CCDC69: variants seen among roughly 807,000 people sequenced by gnomAD.
CCDC69 encodes the protein coiled-coil domain-containing protein 69.
Under a neutral mutation model 40.3 loss-of-function variants are expected in CCDC69, and 38 were observed. The observed-to-expected ratio is 0.94, with a 90% CI of 0.73 to 1.24. The LOEUF is 1.24. Among genes scored for constraint, CCDC69 ranks in the 50% most tolerant of loss-of-function variants. CCDC69 has a pLI of 0.00. For missense variants in CCDC69, 389 were observed against 357.9 expected (o/e 1.09, Z -0.70); for synonymous variants, 141 against 138.9 (o/e 1.02, Z -0.11).
intron 1 of CCDC69, among the ~76,000 whole-genome samples, chr5:151,219,328 C>T (rs1443025008): frequency 2.0e-5 from 3 of 152,166 alleles, no homozygotes; most frequent in East Asian, 1.9e-4. Context: ...CCCCCGCCCC[C>T]CTTCTAAACC....
chr5:151,214,695 G>A (rs1030780558), intron 1 of CCDC69, among the ~76,000 whole-genome samples: 8 of 152,286 alleles, frequency 5.3e-5, no homozygotes, highest in Admixed American at 2.6e-4. Flanking sequence ...CCGGGGACAC[G>A]GCCTATGCTC....
intron 1 of CCDC69, among the ~76,000 whole-genome samples, chr5:151,211,428 C>T (rs1752945504): frequency 6.6e-6 from 1 of 151,958 alleles, no homozygotes. Flanking sequence ...TATGGACCTC[C>T]TGTACTAGAG....
chr5:151,186,202 G>A (rs1752512405), intron 5 of CCDC69, 78 bp from the exon 6 acceptor site: 3 of 1,000,072 alleles, frequency 3.0e-6, no homozygotes, highest in South Asian at 2.5e-5. Context: ...CATCCCAGAG[G>A]GAGAACGGTT....
At position 151,213,618 on chromosome 5, in the gene CCDC69, C is replaced by T. The variant is rs550972973; in HGVS notation, c.49-8143G>A. Among the ~76,000 whole-genome samples, 5 of 152,260 alleles carry T rather than the reference C, an allele frequency of 3.3e-5. No homozygotes were observed. The East Asian group carries it at 7.7e-4, about 24-fold the overall frequency. On this transcript the variant is annotated intron_variant, in intron 1 of 8. Transcript: ENST00000355417. ...TAGGCAGAAGCAACTTGGATAGAAGCCGCCCAGCTATTCCCTACCTTGGGA... is the reference window on the plus strand; with the variant it reads ...TAGGCAGAAGCAACTTGGATAGAAGTCGCCCAGCTATTCCCTACCTTGGGA...
rs952593198 is a variant in CCDC69, at chr5:151,182,896, C to T, written c.*541G>A. 2.7e-6 allele frequency: 1 copy of T among 376,910 alleles called. No homozygotes were observed. Among genetic ancestry groups the T allele is most frequent in the Non-Finnish European group, 5.3e-6 (1 of 187,686 alleles). The allele number at this position is 376,910 out of a possible 1,614,324, so 23.3% of individuals were successfully genotyped here. ...TTTGCGGGGTTTGTCCACACTCCCC[C>T]CAACCCCTACTCTGGCCTTCAGACA... On this transcript the variant is annotated 3_prime_UTR_variant, in exon 9 of 9. Coordinates refer to ENST00000355417, the MANE Select transcript of CCDC69 (RefSeq NM_015621.3).
chr5:151,216,275 A>T (rs1226515084), intron 1 of CCDC69, among the ~76,000 whole-genome samples: 4 of 151,784 alleles, frequency 2.6e-5, no homozygotes, highest in East Asian at 2.0e-4. Flanking sequence ...TACTAATGAT[A>T]AAAAAATGCA....
At chr5:151,209,072 A>C (rs1384792159) in intron 1 of CCDC69, among the ~76,000 whole-genome samples, 1 of 152,260 alleles carries the variant, frequency 6.6e-6, no homozygotes, top group Non-Finnish European at 1.5e-5. Context: ...GAGACTGCAG[A>C]GCAGAGTGGT....
rs746702374 is a variant in CCDC69, at chr5:151,186,106, T to C, written c.412A>G (p.Thr138Ala). 4.3e-6 allele frequency: 7 copies of C among 1,613,184 alleles called. No individual in the cohort carries two copies. The East Asian group carries it at 1.1e-4, about 26-fold the overall frequency. Residue 138 changes from threonine to alanine, a missense_variant, in exon 6 of 9, where the codon ACC becomes GCC. Transcript: ENST00000355417. ...GCCTGGAAAGCCTCCAGCTGTGAGG[T>C]CAGTCTGTCTATGGTCTCCTGGAGC... ...STQQETIDRL[T>A]SQLEAFQAKM...
intron 1 of CCDC69, among the ~76,000 whole-genome samples, chr5:151,215,033 G>A (rs1274875193): frequency 5.9e-5 from 9 of 152,216 alleles, no homozygotes; most frequent in African/African-American, 2.2e-4. Flanking sequence ...AGAGGGCCTG[G>A]AGCTGGCAAA....
At chr5:151,199,957 G>A (rs930868312) in intron 3 of CCDC69, among the ~76,000 whole-genome samples, 6 of 152,102 alleles carry the variant, frequency 3.9e-5, no homozygotes, top group Non-Finnish European at 8.8e-5. Context: ...TCCACCCAGC[G>A]AACACCTGAG....
At chr5:151,203,427 T>C (rs1349492533) in intron 2 of CCDC69, among the ~76,000 whole-genome samples, 1 of 151,252 alleles carries the variant, frequency 6.6e-6, no homozygotes, top group African/African-American at 2.4e-5. Context: ...GGAGAATTGC[T>C]TGAACCTGGG....
intron 1 of CCDC69, among the ~76,000 whole-genome samples, chr5:151,217,683 G>C (rs1753069040): frequency 6.6e-6 from 1 of 152,090 alleles, no homozygotes; most frequent in African/African-American, 2.4e-5. Flanking sequence ...TTCATTCCCT[G>C]CTCTTCTCCC....
At chr5:151,203,847 A>G (rs1286521464) in intron 2 of CCDC69, among the ~76,000 whole-genome samples, 2 of 61,560 alleles carry the variant, frequency 3.2e-5, no homozygotes, top group Non-Finnish European at 5.6e-5. Context: ...AATATATATC[A>G]TATATAGTAT....
chr5:151,185,539 A>G lies in CCDC69; in HGVS notation c.498T>C (p.Asp166=). 6.2e-7 allele frequency: 1 copy of G among 1,613,794 alleles called. No homozygotes were observed. The highest frequency in any genetic ancestry group is 8.5e-7 in the Non-Finnish European group (1 of 1,179,850). The change falls in exon 7 of 9, where the codon GAT becomes GAC. Residue 166 remains aspartate (D), a splice_region_variant and synonymous_variant. Transcript: ENST00000355417. ...CCCAGAACTGGCTGGGGCTCCCATA[A>G]TCCTAGACAGGGACAGAGTGACCTC... is the stretch of plus-strand genomic sequence containing the variant. The part of the protein sequence containing the change: ...LSRNYKKHIQ[D]YGSPSQFWEQ...
At chr5:151,205,030 C>G (rs1752833937) in intron 2 of CCDC69, among the ~76,000 whole-genome samples, 1 of 150,572 alleles carries the variant, frequency 6.6e-6, no homozygotes, top group Non-Finnish European at 1.5e-5. Flanking sequence ...TCCCTCCCTC[C>G]CTATGGTGAC....
intron 1 of CCDC69, among the ~76,000 whole-genome samples, chr5:151,223,231 C>T (rs1017939201): frequency 9.9e-5 from 15 of 152,192 alleles, no homozygotes; most frequent in African/African-American, 3.6e-4. Context: ...CCTGACCCAG[C>T]TCCAAGGCCC....
intron 1 of CCDC69, among the ~76,000 whole-genome samples, chr5:151,222,989 G>T (rs766093103): frequency 6.6e-6 from 1 of 152,202 alleles, no homozygotes; most frequent in Non-Finnish European, 1.5e-5. Flanking sequence ...GGCCTCTCAA[G>T]GTCTCAAGGG....
At chr5:151,190,692 C>A in intron 4 of CCDC69, among the ~76,000 whole-genome samples, 1 of 135,718 alleles carries the variant, frequency 7.4e-6, no homozygotes, top group East Asian at 2.1e-4. Context: ...AAAAGGAACT[C>A]TAAGTAGATT....
In CCDC69 at chr5:151,217,141, A is replaced by G. The variant is rs188901161; in HGVS notation, c.48+6782T>C. ...CCAAATACCCTGACTTGATCATTACACAGTCTATGCACCTAACAAAATATC... is the reference window on the plus strand; with the variant it reads ...CCAAATACCCTGACTTGATCATTACGCAGTCTATGCACCTAACAAAATATC... On this transcript the variant is annotated intron_variant, in intron 1 of 8. Coordinates refer to ENST00000355417, the MANE Select transcript of CCDC69 (RefSeq NM_015621.3). 2.7e-3 allele frequency among the ~76,000 whole-genome samples: 407 copies of G among 152,342 alleles called. 4 individuals carry two copies. The highest frequency in any genetic ancestry group is 9.5e-3 in the African/African-American group (393 of 41,576).
Sources: gnomAD v4.1 joint callset for allele counts (sites outside exome capture counted in the v4.1 genomes callset) on GRCh38, gnomAD v4.1.1 for gene constraint, MANE v1.5 for transcripts, NCBI Gene and HGNC (gene_info 2026-07-23, HGNC 2026-07-21) for gene names.